Variants in RBFOX1 observed in about 807,000 individuals in gnomAD.
RBFOX1 encodes RNA binding protein fox-1 homolog 1.
A neutral mutation model predicts 57.7 loss-of-function variants in RBFOX1; 8 were observed. That is an observed-to-expected ratio of 0.14 (90% CI 0.08 to 0.25). The LOEUF (loss-of-function observed/expected upper bound fraction) is 0.25, where lower values mean the gene tolerates loss of function less well. Ranked by LOEUF, RBFOX1 falls within the 10% of genes least tolerant of loss-of-function variation. The pLI is 1.00. For synonymous variants in RBFOX1, 326 were observed against 222.4 expected (o/e 1.47, Z -4.15); for missense variants, 611 against 548.5 (o/e 1.11, Z -1.14).
chr16:6,919,174 G>A (rs184241365), intron 3 of RBFOX1, among the ~76,000 whole-genome samples: 2 of 151,856 alleles, frequency 1.3e-5, no homozygotes, highest in African/African-American at 4.8e-5. Context: ...TTGGAGATGG[G>A]GTTTCACCAT....
intron 1 of RBFOX1, among the ~76,000 whole-genome samples, chr16:5,465,573 T>C (rs1597176948): frequency 6.6e-6 from 1 of 152,282 alleles, no homozygotes; most frequent in Admixed American, 6.5e-5. Flanking sequence ...ATTGTGACTG[T>C]AGGTCAAAGT....
Position 7,149,029 on chromosome 16 carries a change from C to A in RBFOX1, c.27+96931C>A, listed in dbSNP as rs560403022. ...TTAGAGAATGCGTCAAGGGAAGGGG[C>A]CTTCTGGTCTACCAATTCTGCCCTT... On this transcript the variant is annotated intron_variant, in intron 4 of 15. Transcript: ENST00000550418. Among the ~76,000 whole-genome samples, 5 of 152,296 alleles carry A rather than the reference C, an allele frequency of 3.3e-5. No homozygotes were observed. In the East Asian group the frequency reaches 5.8e-4, roughly 18 times the overall value.
rs142154268 is a variant in RBFOX1 at position 7,151,616 on chromosome 16, G to A, written c.27+99518G>A. On this transcript the variant is annotated intron_variant, in intron 4 of 15. Coordinates refer to ENST00000550418, the MANE Select transcript of RBFOX1 (RefSeq NM_018723.4). ...GGGAAAATGGAGGGAATGATTTCAG[G>A]ATGATTTAAGTCCTTTACATTTATT... Among the ~76,000 whole-genome samples, 523 of 152,190 alleles carry A rather than the reference G, an allele frequency of 3.4e-3. 1 individual carries two copies. Among genetic ancestry groups the A allele is most frequent in the African/African-American group, 0.012 (493 of 41,516 alleles).
At chr16:5,680,682 C>T (rs1362138759) in intron 3 of RBFOX1, among the ~76,000 whole-genome samples, 1 of 152,130 alleles carries the variant, frequency 6.6e-6, no homozygotes, top group Admixed American at 6.6e-5. Flanking sequence ...GAGGTCTTAA[C>T]CTTGGAGAAT....
At chr16:7,226,976 C>T (rs1222763375) in intron 4 of RBFOX1, among the ~76,000 whole-genome samples, 3 of 152,060 alleles carry the variant, frequency 2.0e-5, no homozygotes, top group African/African-American at 7.3e-5. Context: ...GAATTTCTGG[C>T]TTGTCTTCAT....
intron 3 of RBFOX1, among the ~76,000 whole-genome samples, chr16:6,796,874 T>C (rs6500838): frequency 0.71 from 107,928 of 152,086 alleles, 39,298 homozygotes; most frequent in African/African-American, 0.88. Flanking sequence ...TGACTGCTTG[T>C]CTTGTTCTTT....
At chr16:6,633,067 C>T (rs939303901) in intron 2 of RBFOX1, among the ~76,000 whole-genome samples, 2 of 152,126 alleles carry the variant, frequency 1.3e-5, no homozygotes, top group Non-Finnish European at 1.5e-5. Context: ...TGGCTTCTTC[C>T]TGGGACATGC....
intron 1 of RBFOX1, chr16:5,365,922 T>C (rs746670211): frequency 3.4e-5 from 17 of 494,984 alleles, no homozygotes; most frequent in Non-Finnish European, 6.8e-5. Flanking sequence ...GCACCAGTTA[T>C]CTTTAAGAAT....
At chr16:6,748,453 G>A (rs1198865488) in intron 3 of RBFOX1, among the ~76,000 whole-genome samples, 2 of 152,096 alleles carry the variant, frequency 1.3e-5, no homozygotes. Flanking sequence ...ATAAGCCCAG[G>A]AGTTCAAGAC....
chr16:7,033,749 T>G (rs550496958), intron 3 of RBFOX1, among the ~76,000 whole-genome samples: 2 of 152,100 alleles, frequency 1.3e-5, no homozygotes, highest in Admixed American at 6.5e-5. Context: ...ATCCCAGCAC[T>G]TTGGGAGCGT....
At chr16:6,640,201 A>G (rs895233194) in intron 2 of RBFOX1, among the ~76,000 whole-genome samples, 4 of 152,208 alleles carry the variant, frequency 2.6e-5, no homozygotes, top group Non-Finnish European at 5.9e-5. Flanking sequence ...CTCAAATATT[A>G]TGGTGAATTA....
intron 2 of RBFOX1, among the ~76,000 whole-genome samples, chr16:5,485,288 G>A (rs891677098): frequency 1.5e-5 from 2 of 131,154 alleles, no homozygotes; most frequent in African/African-American, 5.7e-5. Flanking sequence ...GGAGCTTGCA[G>A]TAAGCCGAGA....
At chr16:7,053,150 A>G (rs1320566961) in intron 4 of RBFOX1, among the ~76,000 whole-genome samples, 1 of 152,216 alleles carries the variant, frequency 6.6e-6, no homozygotes, top group Non-Finnish European at 1.5e-5. Flanking sequence ...TCCATTTCAC[A>G]GTTGCTGTTG....
At chr16:6,830,195 G>C (rs1229987939) in intron 3 of RBFOX1, among the ~76,000 whole-genome samples, 1 of 152,164 alleles carries the variant, frequency 6.6e-6, no homozygotes, top group Non-Finnish European at 1.5e-5. Flanking sequence ...GGGATTACAG[G>C]TGTGAGCCAC....
At chr16:5,553,375 G>C (rs1193200153) in intron 2 of RBFOX1, among the ~76,000 whole-genome samples, 1 of 151,528 alleles carries the variant, frequency 6.6e-6, no homozygotes, top group East Asian at 1.9e-4. Context: ...GAGTGCAGTG[G>C]CACAATCTCA....
chr16:6,414,104 G>C (rs1158431610), intron 2 of RBFOX1, among the ~76,000 whole-genome samples: 1 of 152,146 alleles, frequency 6.6e-6, no homozygotes, highest in Non-Finnish European at 1.5e-5. Context: ...GCTGGAGGAA[G>C]ATGCCTCCCA....
chr16:6,511,840 C>G (rs1182949602), intron 2 of RBFOX1, among the ~76,000 whole-genome samples: 2 of 152,154 alleles, frequency 1.3e-5, no homozygotes, highest in Non-Finnish European at 2.9e-5. Flanking sequence ...TCACGGCTTT[C>G]TTCTTTTGAT....
chr16:6,469,364 G>C (rs6500786), intron 2 of RBFOX1, among the ~76,000 whole-genome samples: 1 of 152,042 alleles, frequency 6.6e-6, no homozygotes, highest in African/African-American at 2.4e-5. Context: ...AAAGTCTCCA[G>C]TTGAAGCCTA....
chr16:6,976,234 G>A (rs2153578891), intron 3 of RBFOX1, among the ~76,000 whole-genome samples: 1 of 152,186 alleles, frequency 6.6e-6, no homozygotes, highest in South Asian at 2.1e-4. Flanking sequence ...TATTACATAG[G>A]GGAAACTGAG....
Sources: gnomAD v4.1 joint callset for allele counts (sites outside exome capture counted in the v4.1 genomes callset) on GRCh38, gnomAD v4.1.1 for gene constraint, MANE v1.5 for transcripts, NCBI Gene and HGNC (gene_info 2026-07-23, HGNC 2026-07-21) for gene names.